CCDC171: variants seen among roughly 807,000 people sequenced by gnomAD.
The protein encoded by CCDC171 is coiled-coil domain-containing protein 171.
In CCDC171, 177 loss-of-function variants were observed where a neutral mutation model predicts 168.2. The ratio of observed to expected loss-of-function variants is 1.05; its 90% CI spans 0.93 to 1.19. The LOEUF is 1.19. Ranked by LOEUF, CCDC171 falls within the 50% of genes most tolerant of loss-of-function variation. The probability of loss-of-function intolerance (pLI) is 0.00; values close to 1 mark genes in which losing one functional copy is unlikely to be tolerated. For synonymous variants in CCDC171, 687 were observed against 540.8 expected (o/e 1.27, Z -3.75); for missense variants, 1,991 against 1,539.0 (o/e 1.29, Z -4.91).
chr9:15,639,732 A>C (rs909903455), intron 7 of CCDC171, among the ~76,000 whole-genome samples: 1 of 152,156 alleles, frequency 6.6e-6, no homozygotes, highest in African/African-American at 2.4e-5. Context: ...AATCATGATC[A>C]AGATGACTGG....
intron 18 of CCDC171, among the ~76,000 whole-genome samples, chr9:15,763,919 G>A (rs962607023): frequency 6.6e-6 from 1 of 151,910 alleles, no homozygotes; most frequent in Non-Finnish European, 1.5e-5. Flanking sequence ...TATTTCCTTC[G>A]AGTAGGTACT....
intron 18 of CCDC171, among the ~76,000 whole-genome samples, chr9:15,756,497 T>A (rs1373806938): frequency 1.3e-5 from 2 of 152,150 alleles, no homozygotes; most frequent in East Asian, 3.9e-4. Context: ...GTAGTGAGCA[T>A]AGTACCCAGT....
chr9:16,030,664 G>A (rs1057160143), intron 6 of CCDC171, among the ~76,000 whole-genome samples: 2 of 152,300 alleles, frequency 1.3e-5, no homozygotes, highest in East Asian at 3.9e-4. Flanking sequence ...CCACAGGGAG[G>A]AAAGAGGTGA....
intron 1 of CCDC171, among the ~76,000 whole-genome samples, chr9:16,051,411 G>A (rs1833747641): frequency 6.6e-6 from 1 of 152,128 alleles, no homozygotes; most frequent in South Asian, 2.1e-4. Context: ...CTCCCTGACT[G>A]CTGCCCTCAT....
chr9:15,633,431 C>T (rs1366322923), intron 7 of CCDC171, among the ~76,000 whole-genome samples: 12 of 152,112 alleles, frequency 7.9e-5, no homozygotes, highest in African/African-American at 1.4e-4. Context: ...AAATGCTCAC[C>T]GTCACTGGCC....
intron 24 of CCDC171, among the ~76,000 whole-genome samples, chr9:15,890,310 G>C (rs1004954090): frequency 1.3e-5 from 2 of 152,134 alleles, no homozygotes; most frequent in African/African-American, 4.8e-5. Context: ...ATTTGTTCTT[G>C]CTGGGTGATT....
intron 7 of CCDC171, among the ~76,000 whole-genome samples, chr9:15,645,045 T>G (rs2046926298): frequency 1.3e-5 from 2 of 152,232 alleles, no homozygotes; most frequent in South Asian, 4.1e-4. Flanking sequence ...GTGACGAAGC[T>G]TCCAGAGGAA....
chr9:16,015,150 C>T (rs1412196285), intron 3 of CCDC171, among the ~76,000 whole-genome samples: 1 of 152,164 alleles, frequency 6.6e-6, no homozygotes, highest in African/African-American at 2.4e-5. Flanking sequence ...TAGCCATGTT[C>T]ATCAGTGATT....
At chr9:15,905,802 A>T (rs1822491503) in intron 24 of CCDC171, among the ~76,000 whole-genome samples, 1 of 152,216 alleles carries the variant, frequency 6.6e-6, no homozygotes, top group Non-Finnish European at 1.5e-5. Flanking sequence ...GAAAAGAGAG[A>T]AGAATCAAAC....
At chr9:15,700,557 C>G (rs112850730) in intron 11 of CCDC171, among the ~76,000 whole-genome samples, 5 of 152,246 alleles carry the variant, frequency 3.3e-5, no homozygotes, top group Non-Finnish European at 5.9e-5. Flanking sequence ...GAGGAGGCGC[C>G]GAGAGCAAGC....
intron 25 of CCDC171, among the ~76,000 whole-genome samples, chr9:15,930,316 A>G (rs1346616689): frequency 6.6e-6 from 1 of 151,652 alleles, no homozygotes; most frequent in Non-Finnish European, 1.5e-5. Flanking sequence ...AAATGAGTAG[A>G]ATAATTTACA....
chr9:15,681,608 A>G (rs2133472569), intron 10 of CCDC171, among the ~76,000 whole-genome samples: 1 of 151,840 alleles, frequency 6.6e-6, no homozygotes, highest in East Asian at 1.9e-4. Flanking sequence ...CTATTCTGTC[A>G]CTTTTCCTAA....
intron 24 of CCDC171, among the ~76,000 whole-genome samples, chr9:15,899,575 C>T (rs1333755444): frequency 1.3e-5 from 2 of 152,024 alleles, no homozygotes; most frequent in African/African-American, 2.4e-5. Context: ...TTTGCATTTC[C>T]CTAGTGCTTA....
intron 18 of CCDC171, among the ~76,000 whole-genome samples, chr9:15,770,923 C>A (rs1233548449): frequency 6.6e-6 from 1 of 152,018 alleles, no homozygotes; most frequent in South Asian, 2.1e-4. Flanking sequence ...AATATAATCA[C>A]ACACACACAG....
At chr9:15,761,524 C>T (rs1588350069) in intron 18 of CCDC171, among the ~76,000 whole-genome samples, 1 of 152,170 alleles carries the variant, frequency 6.6e-6, no homozygotes, top group African/African-American at 2.4e-5. Context: ...TAATCTCAGA[C>T]TCCACTCCAG....
intron 23 of CCDC171, among the ~76,000 whole-genome samples, chr9:15,859,483 T>C (rs979430562): frequency 3.3e-5 from 5 of 151,920 alleles, no homozygotes; most frequent in Non-Finnish European, 7.4e-5. Context: ...TTTAATTGTT[T>C]TATAGAATTC....
chr9:15,712,022 C>A (rs975363505), intron 11 of CCDC171, among the ~76,000 whole-genome samples: 1 of 152,170 alleles, frequency 6.6e-6, no homozygotes, highest in Admixed American at 6.5e-5. Context: ...GTCCTGAGAA[C>A]TGGGAGAGCT....
chr9:15,578,970 G>C lies in CCDC171; in HGVS notation c.299G>C (p.Arg100Pro). ...VARKEAGLGR[R>P]AAEERLAEAH... ...AGAAAGGAAGCTGGTCTTGGAAGAC[G>C]GGCTGCTGAAGAAAGATTAGCCGAG... is the stretch of plus-strand genomic sequence containing the variant. Residue 100 changes from arginine (R) to proline (P), a missense_variant, in exon 4 of 26, where the codon CGG becomes CCG. Arg to Pro is a moderately radical substitution (Grantham distance 103, BLOSUM62 -2). Transcript: ENST00000380701. The C allele has an allele frequency of 6.2e-7, 1 of 1,613,968 alleles. No homozygotes were observed. The highest frequency in any genetic ancestry group is 8.5e-7 in the Non-Finnish European group (1 of 1,179,938).
At chr9:16,051,957 C>T (rs1267549908) in intron 1 of CCDC171, among the ~76,000 whole-genome samples, 1 of 152,122 alleles carries the variant, frequency 6.6e-6, no homozygotes, top group Non-Finnish European at 1.5e-5. Flanking sequence ...AGAGAGAACT[C>T]CCCTTTATAA....
Sources: allele counts gnomAD v4.1 joint callset (sites outside exome capture counted in the v4.1 genomes callset), GRCh38; gene constraint gnomAD v4.1.1; transcripts MANE v1.5; gene names NCBI Gene and HGNC (gene_info 2026-07-23, HGNC 2026-07-21).